The following PLAAT3 variants were observed in gnomAD, a reference collection of about 807,000 sequenced individuals.
The protein encoded by PLAAT3 is Ca-independent phospholipase A1/2.
Under a neutral mutation model 16.7 loss-of-function variants are expected in PLAAT3, and 21 were observed. The observed-to-expected ratio is 1.26, with a 90% CI of 0.89 to 1.81. The LOEUF is 1.81. PLAAT3 is among the 40% of genes most tolerant of loss of function. The pLI is 0.00. For synonymous variants in PLAAT3, 76 were observed against 81.7 expected, an observed-to-expected ratio of 0.93 and a Z score of 0.38; for missense variants, 219 against 213.7, an observed-to-expected ratio of 1.02 and a Z score of -0.16.
chr11:63,575,354 A>G (rs1203030139), intron 4 of PLAAT3, among the ~76,000 whole-genome samples: 1 of 152,256 alleles, frequency 6.6e-6, no homozygotes, highest in East Asian at 1.9e-4. Context: ...AGCTGATGCC[A>G]GGATGGTCAA....
At position 63,595,057 on chromosome 11, in the gene PLAAT3, G is replaced by A. The variant is rs536084756; in HGVS notation, c.118+3004C>T. 7.2e-5 allele frequency among the ~76,000 whole-genome samples: 11 copies of A among 152,178 alleles called. No individual in the cohort carries two copies. The East Asian group carries it at 1.2e-3, about 16-fold the overall frequency. ...TGTAATCTCAGCACTTTGGGAGGCCGAGGCAGGCAGATCACTTGAGGTCAG... is the reference window on the plus strand; with the variant it reads ...TGTAATCTCAGCACTTTGGGAGGCCAAGGCAGGCAGATCACTTGAGGTCAG... On this transcript the variant is annotated intron_variant, in intron 3 of 4. Transcript: ENST00000415826.
chr11:63,596,962 G>A (rs1938303193), intron 3 of PLAAT3, among the ~76,000 whole-genome samples: 1 of 152,044 alleles, frequency 6.6e-6, no homozygotes, highest in Non-Finnish European at 1.5e-5. Context: ...CGGGCGTGGT[G>A]GCAGGTGCCT....
At position 63,578,247 on chromosome 11, in the gene PLAAT3, C is replaced by T. The variant is rs1312602285; in HGVS notation, c.388-3201G>A. Among the ~76,000 whole-genome samples, 3 of 151,358 alleles carry T rather than the reference C, an allele frequency of 2.0e-5. 1 individual carries two copies. Among genetic ancestry groups the T allele is most frequent in the Non-Finnish European group, 4.4e-5 (3 of 67,914 alleles). On this transcript the variant is annotated intron_variant, in intron 4 of 4. Coordinates refer to ENST00000415826, the MANE Select transcript of PLAAT3 (RefSeq NM_001128203.2). ...GCAGTGAGCTGAGATGGTGCCACTG[C>T]ACTCCAGCCTGGACAACAGAGCAAG... is the stretch of plus-strand genomic sequence containing the variant.
intron 4 of PLAAT3, 37 bp from the exon 5 acceptor site, chr11:63,575,083 A>G (rs760913771): frequency 5.9e-6 from 8 of 1,350,144 alleles, no homozygotes; most frequent in African/African-American, 1.4e-5. Context: ...ACTCTGTGTC[A>G]GGATCCAGAG....
intron 4 of PLAAT3, among the ~76,000 whole-genome samples, chr11:63,579,871 A>AT (rs1430875360): frequency 7.3e-5 from 9 of 122,996 alleles, no homozygotes; most frequent in Admixed American, 3.4e-4. Context: ...TTAAAGTATA[A>AT]TAAAAAAAAA....
In PLAAT3 at chr11:63,574,985, A is replaced by G; in HGVS notation, c.449T>C (p.Ile150Thr). The G allele has an allele frequency of 6.2e-7, 1 of 1,613,526 alleles. No individual in the cohort carries two copies. The highest frequency in any genetic ancestry group is 8.5e-7 in the Non-Finnish European group (1 of 1,179,380). Reference sequence around the variant, plus strand: ...CTTGTTTCTTGAGAACATGACTCCAATAAGGCTCATGGCTGCCAAGCCCAT... The same window carrying G: ...CTTGTTTCTTGAGAACATGACTCCAGTAAGGCTCATGGCTGCCAAGCCCAT... ...AGMGLAAMSL[I>T]GVMFSRNKRQ... The change falls in exon 5 of 5, where the codon ATT becomes ACT. Residue 150 changes from isoleucine (I) to threonine (T), a missense_variant. By Grantham distance (89) the Ile-to-Thr change is moderately conservative (BLOSUM62 -1). Transcript: ENST00000415826.
chr11:63,607,633 T>C (rs181981784), intron 2 of PLAAT3, among the ~76,000 whole-genome samples: 10 of 152,102 alleles, frequency 6.6e-5, no homozygotes, highest in East Asian at 1.9e-4. Context: ...AACTTGTATG[T>C]GGTAGAGACA....
chr11:63,593,083 TC>T (rs1282163839), intron 3 of PLAAT3, among the ~76,000 whole-genome samples: 1 of 152,132 alleles, frequency 6.6e-6, no homozygotes, highest in Non-Finnish European at 1.5e-5. Flanking sequence ...GTGCAGCCAA[TC>T]AATACTGAGG....
chr11:63,590,148 G>T lies in PLAAT3; in HGVS notation c.339C>A (p.Cys113Ter), dbSNP rs373632324. Residue 113 changes from cysteine (C) to a stop codon, truncating the protein, a stop_gained, in exon 4 of 5, where the codon TGC becomes TGA. Coordinates refer to ENST00000415826, the MANE Select transcript of PLAAT3 (RefSeq NM_001128203.2). LOFTEE classifies it high-confidence loss of function. ...EVLYKLTSEN[C>*]EHFVNELRYG... ...AGCGCAGCTCATTCACAAAGTGCTCGCAGTTCTCACTGGTCAGCTTGTAGA... is the reference window on the plus strand; with the variant it reads ...AGCGCAGCTCATTCACAAAGTGCTCTCAGTTCTCACTGGTCAGCTTGTAGA... 1 of 1,614,060 alleles carries T rather than the reference G, an allele frequency of 6.2e-7. No individual in the cohort carries two copies. The highest frequency in any genetic ancestry group is 1.3e-5 in the African/African-American group (1 of 74,934).
At chr11:63,584,779 G>C (rs986543424) in intron 4 of PLAAT3, among the ~76,000 whole-genome samples, 1 of 151,928 alleles carries the variant, frequency 6.6e-6, no homozygotes, top group Non-Finnish European at 1.5e-5. Context: ...CAAAGTGCTG[G>C]GATTACAGGC....
chr11:63,605,217 A>G (rs1378619839), intron 2 of PLAAT3, among the ~76,000 whole-genome samples: 1 of 152,092 alleles, frequency 6.6e-6, no homozygotes, highest in Non-Finnish European at 1.5e-5. Flanking sequence ...CAACATGGTG[A>G]AACTCCATCT....
chr11:63,584,289 CTTTT>C (rs532324070), intron 4 of PLAAT3, among the ~76,000 whole-genome samples: 1 of 123,476 alleles, frequency 8.1e-6, no homozygotes, highest in Non-Finnish European at 1.7e-5. Flanking sequence ...CTTCTGGTTG[CTTTT>C]TTTTTTTTTT....
intron 4 of PLAAT3, among the ~76,000 whole-genome samples, chr11:63,584,523 T>G (rs1027715482): frequency 1.3e-5 from 2 of 150,616 alleles, no homozygotes; most frequent in Non-Finnish European, 3.0e-5. Context: ...TTTTTGTTTT[T>G]TTTTTTTTGA....
chr11:63,604,125 C>G (rs767085037), intron 2 of PLAAT3, among the ~76,000 whole-genome samples: 5 of 151,994 alleles, frequency 3.3e-5, no homozygotes, highest in Non-Finnish European at 7.4e-5. Flanking sequence ...GCACTCCAGC[C>G]TTTTTCAATA....
chr11:63,603,871 G>T (rs1247304073), intron 2 of PLAAT3, among the ~76,000 whole-genome samples: 1 of 152,246 alleles, frequency 6.6e-6, no homozygotes, highest in African/African-American at 2.4e-5. Context: ...ACATTTTTAG[G>T]CCGGGCACAG....
chr11:63,590,378 C>T lies in PLAAT3; in HGVS notation c.119-10G>A. ...GCTCCTGCGACCTCACCTGCAGATC[C>T]ACAAAGAGGAAACAGAGGGATTGGT... On this transcript the variant is annotated splice_polypyrimidine_tract_variant and intron_variant, in intron 3 of 4. Transcript: ENST00000415826. The T allele has an allele frequency of 3.7e-6, 6 of 1,612,998 alleles. No individual in the cohort carries two copies. The highest frequency in any genetic ancestry group is 5.1e-6 in the Non-Finnish European group (6 of 1,179,544).
At chr11:63,596,602 G>A (rs894794345) in intron 3 of PLAAT3, among the ~76,000 whole-genome samples, 2 of 151,654 alleles carry the variant, frequency 1.3e-5, no homozygotes, top group Non-Finnish European at 2.9e-5. Flanking sequence ...GGTGACGGGT[G>A]ACAGTGACAG....
chr11:63,578,264 C>G (rs1590679446), intron 4 of PLAAT3, among the ~76,000 whole-genome samples: 2 of 150,100 alleles, frequency 1.3e-5, no homozygotes, highest in South Asian at 2.1e-4. Flanking sequence ...GCCTGGACAA[C>G]AGAGCAAGAC....
chr11:63,615,343 T>A (rs1213846056), upstream of PLAAT3, among the ~76,000 whole-genome samples: 1 of 72,648 alleles, frequency 1.4e-5, no homozygotes, highest in African/African-American at 3.8e-5. Flanking sequence ...TGTGTGTATA[T>A]ATGTGTGTAT....
Sources: gnomAD v4.1 joint callset for allele counts (sites outside exome capture counted in the v4.1 genomes callset) on GRCh38, gnomAD v4.1.1 for gene constraint, MANE v1.5 for transcripts, NCBI Gene and HGNC (gene_info 2026-07-23, HGNC 2026-07-21) for gene names.